The following ZFHX3 variants were observed in gnomAD, a reference collection of about 807,000 sequenced individuals.
ZFHX3 encodes the protein zinc finger homeobox 3.
In ZFHX3, 42 loss-of-function variants were observed where a neutral mutation model predicts 279.1. That is an observed-to-expected ratio of 0.15 (90% CI 0.12 to 0.19). The LOEUF (loss-of-function observed/expected upper bound fraction) is 0.19, where lower values mean the gene tolerates loss of function less well. Among genes scored for constraint, ZFHX3 ranks in the 10% least tolerant of loss-of-function variants. ZFHX3 has a pLI of 1.00. For missense variants in ZFHX3, 4,981 were observed against 4,754.0 expected, an observed-to-expected ratio of 1.05 and a Z score of -1.40; for synonymous variants, 2,293 against 1,957.8, an observed-to-expected ratio of 1.17 and a Z score of -4.52.
At chr16:73,021,588 T>C (rs1243185432) in intron 1 of ZFHX3, among the ~76,000 whole-genome samples, 1 of 151,832 alleles carries the variant, frequency 6.6e-6, no homozygotes, top group Non-Finnish European at 1.5e-5. Flanking sequence ...ACCATCACTT[T>C]GGGAGGCTGA....
At chr16:73,147,011 G>C (rs1966866652) in intron 5 of ZFHX3, among the ~76,000 whole-genome samples, 1 of 152,174 alleles carries the variant, frequency 6.6e-6, no homozygotes, top group African/African-American at 2.4e-5. Context: ...ACATCCTAGG[G>C]AGAAAAGTGA....
chr16:72,809,153 A>G (rs1367764862), intron 7 of ZFHX3, among the ~76,000 whole-genome samples: 2 of 152,262 alleles, frequency 1.3e-5, no homozygotes, highest in African/African-American at 4.8e-5. Flanking sequence ...TTTGAAATAT[A>G]AGTTATACTC....
At chr16:73,416,837 G>A (rs2017596926) in intron 3 of ZFHX3, among the ~76,000 whole-genome samples, 1 of 151,430 alleles carries the variant, frequency 6.6e-6, no homozygotes, top group African/African-American at 2.4e-5. Flanking sequence ...TCGCGCCACT[G>A]CACTCCAGCC....
At chr16:73,262,118 TTAA>T (rs1447885366) in intron 4 of ZFHX3, among the ~76,000 whole-genome samples, 3 of 152,366 alleles carry the variant, frequency 2.0e-5, no homozygotes, top group Middle Eastern at 6.8e-3. Context: ...ACTGTGACTA[TTAA>T]TAATGCCACA....
At chr16:73,062,236 T>C (rs1451564683), upstream of ZFHX3, 3 of 152,304 alleles carry the variant, frequency 2.0e-5, no homozygotes, top group East Asian at 5.8e-4. Flanking sequence ...TACATTTCTC[T>C]AGCTCTCACT....
intron 3 of ZFHX3, among the ~76,000 whole-genome samples, chr16:73,417,452 A>G (rs1447445706): frequency 7.9e-6 from 1 of 126,778 alleles, no homozygotes; most frequent in African/African-American, 3.1e-5. Context: ...GTTTGTCTTC[A>G]AACTCCTGGG....
At chr16:72,813,613 C>T (rs757336488) in intron 5 of ZFHX3, among the ~76,000 whole-genome samples, 2 of 152,150 alleles carry the variant, frequency 1.3e-5, no homozygotes, top group South Asian at 2.1e-4. Context: ...AGTACAAGGA[C>T]GAGCATATTA....
At chr16:72,788,941 T>G (rs963118391) in intron 9 of ZFHX3, 93 bp from the exon 10 acceptor site, 2 of 1,482,454 alleles carry the variant, frequency 1.3e-6, no homozygotes, top group Non-Finnish European at 1.8e-6. Flanking sequence ...GCACACAGTT[T>G]GAGATGTCAA....
At chr16:73,849,784 G>A (rs1419099961) in intron 1 of ZFHX3, among the ~76,000 whole-genome samples, 3 of 152,224 alleles carry the variant, frequency 2.0e-5, no homozygotes, top group Admixed American at 6.5e-5. Context: ...CCAGGCTAGA[G>A]TACGATGGCG....
intron 5 of ZFHX3, chr16:72,829,466 A>G (rs1352907206): frequency 3.2e-6 from 1 of 310,582 alleles, no homozygotes; most frequent in Non-Finnish European, 6.0e-6. Flanking sequence ...CACCAAAGAG[A>G]TGTGACCAAC....
At chr16:73,012,412 CATTTT>C (rs1963946889) in intron 1 of ZFHX3, among the ~76,000 whole-genome samples, 1 of 96,766 alleles carries the variant, frequency 1.0e-5, no homozygotes, top group Non-Finnish European at 1.9e-5. Context: ...ATGGAATCAC[CATTTT>C]TTTTATTAAA....
chr16:73,319,906 G>A (rs183468352), intron 3 of ZFHX3, among the ~76,000 whole-genome samples: 19 of 152,156 alleles, frequency 1.2e-4, no homozygotes, highest in African/African-American at 4.3e-4. Flanking sequence ...CTATGGCGAC[G>A]TGATGGTTTG....
chr16:72,830,647 C>T (rs991804006), intron 4 of ZFHX3, among the ~76,000 whole-genome samples: 16 of 152,156 alleles, frequency 1.1e-4, no homozygotes, highest in African/African-American at 2.2e-4. Flanking sequence ...CGGCTGCCAA[C>T]GCTAGGCTGC....
chr16:73,486,441 T>C (rs2018975344), intron 2 of ZFHX3, among the ~76,000 whole-genome samples: 1 of 132,440 alleles, frequency 7.6e-6, no homozygotes, highest in Non-Finnish European at 1.6e-5. Flanking sequence ...TTGCTTTGTT[T>C]GTGTGTGTTT....
At chr16:73,592,061 G>C (rs1021308529) in intron 2 of ZFHX3, among the ~76,000 whole-genome samples, 3 of 140,836 alleles carry the variant, frequency 2.1e-5, no homozygotes, top group Non-Finnish European at 4.9e-5. Context: ...GTGAAACCCT[G>C]TCTCTACTAA....
chr16:73,456,752 A>C (rs1441820179), intron 2 of ZFHX3, among the ~76,000 whole-genome samples: 1 of 152,224 alleles, frequency 6.6e-6, no homozygotes, highest in Non-Finnish European at 1.5e-5. Context: ...TGCACCTTCT[A>C]TCGGGATGGA....
chr16:72,787,600 G>C lies in ZFHX3; in HGVS notation c.10676C>G (p.Thr3559Arg), dbSNP rs146315074. The C allele has an allele frequency of 2.5e-6, 4 of 1,613,742 alleles. No individual in the cohort carries two copies. The highest frequency in any genetic ancestry group is 3.4e-6 in the Non-Finnish European group (4 of 1,179,934). Reference protein sequence around the residue: ...ESALHKHRTITRAARNAKEHP... With the variant: ...ESALHKHRTIRRAARNAKEHP... ...CTCTTTGGCGTTTCTTGCTGCTCTC[G>C]TGATTGTTCTGTGTTTGTGCAAGGC... is the stretch of plus-strand genomic sequence containing the variant. Residue 3559 changes from threonine to arginine, a missense_variant, in exon 10 of 10, where the codon ACG becomes AGG. By Grantham distance (71) the Thr-to-Arg change is moderately conservative (BLOSUM62 -1). Coordinates refer to ENST00000268489, the MANE Select transcript of ZFHX3 (RefSeq NM_006885.4).
At chr16:72,979,539 T>C (rs1002130534) in intron 1 of ZFHX3, among the ~76,000 whole-genome samples, 4 of 152,210 alleles carry the variant, frequency 2.6e-5, no homozygotes, top group Non-Finnish European at 4.4e-5. Context: ...GGACCAGTGA[T>C]GGCAATGTGT....
intron 1 of ZFHX3, among the ~76,000 whole-genome samples, chr16:72,980,715 C>A (rs535567873): frequency 1.3e-5 from 2 of 152,162 alleles, no homozygotes; most frequent in African/African-American, 4.8e-5. Flanking sequence ...GATCGCACCA[C>A]TGTACTCTAG....
Sources: gnomAD v4.1 joint callset for allele counts (sites outside exome capture counted in the v4.1 genomes callset) on GRCh38, gnomAD v4.1.1 for gene constraint, MANE v1.5 for transcripts, NCBI Gene and HGNC (gene_info 2026-07-23, HGNC 2026-07-21) for gene names.